PRDM16: variants seen among roughly 807,000 people sequenced by gnomAD.
PRDM16 encodes PR/SET domain 16.
Under a neutral mutation model 110.6 loss-of-function variants are expected in PRDM16, and 23 were observed. The ratio of observed to expected loss-of-function variants is 0.21; its 90% confidence interval spans 0.15 to 0.29. The LOEUF (loss-of-function observed/expected upper bound fraction) is 0.29, where lower values mean the gene tolerates loss of function less well. Among genes scored for constraint, PRDM16 ranks in the 10% least tolerant of loss-of-function variants. The pLI is 1.00. For synonymous variants in PRDM16, 799 were observed against 781.8 expected, an observed-to-expected ratio of 1.02 and a Z score of -0.37; for missense variants, 1,615 against 1,794.3, an observed-to-expected ratio of 0.90 and a Z score of 1.81.
At chr1:3,310,982 C>A (rs912620085) in intron 3 of PRDM16, among the ~76,000 whole-genome samples, 1 of 151,480 alleles carries the variant, frequency 6.6e-6, no homozygotes. Flanking sequence ...CATGTGTGTG[C>A]GTGTGTGCGT....
intron 3 of PRDM16, among the ~76,000 whole-genome samples, chr1:3,372,188 C>T (rs1642918774): frequency 6.6e-6 from 1 of 152,236 alleles, no homozygotes; most frequent in African/African-American, 2.4e-5. Flanking sequence ...GTGAGGGACC[C>T]CAGGGGTCCT....
chr1:3,104,693 G>A (rs746032413), intron 1 of PRDM16, among the ~76,000 whole-genome samples: 5 of 152,096 alleles, frequency 3.3e-5, no homozygotes, highest in Admixed American at 1.3e-4. Context: ...AGGCCCCTCT[G>A]GGCTACAAAC....
At chr1:3,204,525 TGCCCCTGTCCCA>T (rs1181756128) in intron 2 of PRDM16, among the ~76,000 whole-genome samples, 2 of 152,218 alleles carry the variant, frequency 1.3e-5, no homozygotes, top group African/African-American at 2.4e-5. Flanking sequence ...CTTCTAGCCC[TGCCCCTGTCCCA>T]GGGGAGCCCG....
chr1:3,203,146 ACT>A (rs1400740857), intron 2 of PRDM16, among the ~76,000 whole-genome samples: 2 of 152,102 alleles, frequency 1.3e-5, no homozygotes, highest in Non-Finnish European at 2.9e-5. Context: ...TGGAAAAGCC[ACT>A]CTCTGAGAAC....
chr1:3,288,273 G>T (rs1212902782), intron 3 of PRDM16, among the ~76,000 whole-genome samples: 3 of 152,202 alleles, frequency 2.0e-5, no homozygotes, highest in Non-Finnish European at 4.4e-5. Context: ...GAGACCTAGG[G>T]GCCTGCGGTG....
At chr1:3,212,640 G>A (rs865998402) in intron 2 of PRDM16, among the ~76,000 whole-genome samples, 188 of 147,470 alleles carry the variant, frequency 1.3e-3, no homozygotes, top group African/African-American at 4.2e-3. Context: ...TCATCCTCCC[G>A]GCCCCCTCGC....
At chr1:3,368,280 C>T (rs1379884625) in intron 3 of PRDM16, among the ~76,000 whole-genome samples, 2 of 152,220 alleles carry the variant, frequency 1.3e-5, no homozygotes, top group South Asian at 2.1e-4. Flanking sequence ...AGCCGCAACA[C>T]GGGCCAGGCT....
chr1:3,105,258 C>T (rs1277345734), intron 1 of PRDM16, among the ~76,000 whole-genome samples: 1 of 152,212 alleles, frequency 6.6e-6, no homozygotes, highest in Non-Finnish European at 1.5e-5. Context: ...TCCCTGGGCC[C>T]AAACTTGAGG....
chr1:3,193,682 C>T (rs1014826333), intron 2 of PRDM16, among the ~76,000 whole-genome samples: 7 of 152,158 alleles, frequency 4.6e-5, no homozygotes, highest in African/African-American at 1.4e-4. Flanking sequence ...CAAGCCCCTG[C>T]CCCCCAACAA....
chr1:3,220,501 T>G (rs1008963615), intron 2 of PRDM16, among the ~76,000 whole-genome samples: 2 of 152,196 alleles, frequency 1.3e-5, no homozygotes, highest in African/African-American at 4.8e-5. Flanking sequence ...CAAGACCTGC[T>G]TGCAGGTGCA....
At chr1:3,410,074 G>T (rs1043736510) in intron 8 of PRDM16, among the ~76,000 whole-genome samples, 21 of 146,152 alleles carry the variant, frequency 1.4e-4, no homozygotes, top group Middle Eastern at 4.2e-3. Flanking sequence ...TTGTGTATGT[G>T]CATGTGTATG....
chr1:3,262,078 G>A (rs1249449771), intron 3 of PRDM16, among the ~76,000 whole-genome samples: 1 of 152,206 alleles, frequency 6.6e-6, no homozygotes, highest in African/African-American at 2.4e-5. Flanking sequence ...GCGCCCTCAG[G>A]CACTTGTGCT....
At chr1:3,275,585 G>A (rs932902778) in intron 3 of PRDM16, among the ~76,000 whole-genome samples, 2 of 152,182 alleles carry the variant, frequency 1.3e-5, no homozygotes, top group Non-Finnish European at 2.9e-5. Flanking sequence ...AGCACTCCTC[G>A]GTGGGGGCAG....
rs752633976 is a variant in PRDM16, at chr1:3,411,588, C to A, written c.1391C>A (p.Thr464Asn). The A allele has an allele frequency of 3.1e-6, 5 of 1,613,992 alleles. No individual in the cohort carries two copies. In the South Asian group the frequency reaches 4.4e-5, roughly 14 times the overall value. ...ATCTTTGCCCCGGGCCTGCCCTTGACCCCCAGCCCCATGATGGACAAGGCA... is the reference window on the plus strand; with the variant it reads ...ATCTTTGCCCCGGGCCTGCCCTTGAACCCCAGCCCCATGATGGACAAGGCA... ...GGIFAPGLPL[T>N]PSPMMDKAKP... Residue 464 changes from threonine (T) to asparagine (N), a missense_variant, in exon 9 of 17, where the codon ACC becomes AAC. Coordinates refer to ENST00000270722, the MANE Select transcript of PRDM16 (RefSeq NM_022114.4).
intron 1 of PRDM16, among the ~76,000 whole-genome samples, chr1:3,135,238 G>T (rs375499995): frequency 2.0e-5 from 3 of 152,280 alleles, no homozygotes; most frequent in African/African-American, 7.2e-5. Flanking sequence ...CCTTGGCTTC[G>T]GGCTGGACTG....
intron 3 of PRDM16, among the ~76,000 whole-genome samples, chr1:3,327,767 A>G (rs1011744208): frequency 3.3e-5 from 5 of 152,308 alleles, no homozygotes; most frequent in Admixed American, 3.3e-4. Context: ...GGAGACCTCA[A>G]GAGATTCACA....
chr1:3,225,658 C>A (rs777193897), intron 2 of PRDM16, among the ~76,000 whole-genome samples: 11 of 151,294 alleles, frequency 7.3e-5, no homozygotes, highest in African/African-American at 2.2e-4. Context: ...CTTATTTTGG[C>A]GTGGAATGGG....
chr1:3,160,821 A>G (rs1643891510), intron 1 of PRDM16, among the ~76,000 whole-genome samples: 3 of 152,310 alleles, frequency 2.0e-5, no homozygotes, highest in African/African-American at 7.2e-5. Flanking sequence ...GCACTTCCAG[A>G]CAGGGTAGCT....
chr1:3,071,354 G>C (rs1050229899), intron 1 of PRDM16, among the ~76,000 whole-genome samples: 2 of 152,276 alleles, frequency 1.3e-5, no homozygotes, highest in African/African-American at 4.8e-5. Context: ...GGAGGCCGGA[G>C]AGCCGGGCCC....
Sources: allele counts gnomAD v4.1 joint callset (sites outside exome capture counted in the v4.1 genomes callset), GRCh38; gene constraint gnomAD v4.1.1; transcripts MANE v1.5; gene names NCBI Gene and HGNC (gene_info 2026-07-23, HGNC 2026-07-21).